Variants in RNASEH2B observed in about 807,000 individuals in gnomAD.
RNASEH2B encodes the protein Aicardi-Goutieres syndrome 2 protein.
Under a neutral mutation model 45.0 loss-of-function variants are expected in RNASEH2B, and 36 were observed. That is an observed-to-expected ratio of 0.80 (90% CI 0.61 to 1.06). The LOEUF (loss-of-function observed/expected upper bound fraction) is 1.06. RNASEH2B is among the 50% of genes least tolerant of loss of function. RNASEH2B has a pLI of 0.00. For missense variants in RNASEH2B, 361 were observed against 360.3 expected, an observed-to-expected ratio of 1.00 and a Z score of -0.02; for synonymous variants, 119 against 125.7, an observed-to-expected ratio of 0.95 and a Z score of 0.35.
At position 50,930,455 on chromosome 13, in the gene RNASEH2B, G is replaced by A. The variant is rs564625980; in HGVS notation, c.245-228G>A. On this transcript the variant is annotated intron_variant, in intron 3 of 10. Coordinates refer to ENST00000336617, the MANE Select transcript of RNASEH2B (RefSeq NM_024570.4). ...GTTAAAGATCAATTTCAGGGTCTTG[G>A]TTCTCCTCTCCACACAGGGATTTGA... Among the ~76,000 whole-genome samples, 3 of 152,234 alleles carry A rather than the reference G, an allele frequency of 2.0e-5. No individual in the cohort carries two copies. The South Asian group carries it at 6.2e-4, about 32-fold the overall frequency.
At position 50,952,100 on chromosome 13, in the gene RNASEH2B, A is replaced by G. The variant is rs1036127990; in HGVS notation, c.742-1805A>G. On this transcript the variant is annotated intron_variant, in intron 9 of 10. Coordinates refer to ENST00000336617, the MANE Select transcript of RNASEH2B (RefSeq NM_024570.4). Reference sequence around the variant, plus strand: ...CTTGAGCCCAGGAGTTCAAGGCTGTAGTATATGATGATCGCAACTATGAAT... The same window carrying G: ...CTTGAGCCCAGGAGTTCAAGGCTGTGGTATATGATGATCGCAACTATGAAT... 1.4e-4 allele frequency: 21 copies of G among 152,330 alleles called. 1 individual carries two copies. The highest frequency in any genetic ancestry group is 2.9e-4 in the Non-Finnish European group (20 of 68,022). 9.4% of individuals were successfully genotyped at this position (152,330 alleles called of 1,614,324 possible). A position where few individuals can be genotyped will look rare whatever the true frequency, so the allele number is the denominator to read the frequency against.
At chr13:50,968,874 C>A (rs765893878) in intron 9 of RNASEH2B, among the ~76,000 whole-genome samples, 1 of 152,062 alleles carries the variant, frequency 6.6e-6, no homozygotes, top group Non-Finnish European at 1.5e-5. Flanking sequence ...AAATGGGGGA[C>A]GGCACCAAAT....
intron 5 of RNASEH2B, among the ~76,000 whole-genome samples, chr13:50,940,480 T>G (rs1368898163): frequency 1.3e-5 from 2 of 152,252 alleles, no homozygotes; most frequent in East Asian, 3.8e-4. Flanking sequence ...ACAGTATTTA[T>G]TTTTACTTGC....
chr13:50,957,285 T>C (rs1364198902), downstream of RNASEH2B, among the ~76,000 whole-genome samples: 2 of 152,146 alleles, frequency 1.3e-5, no homozygotes, highest in Non-Finnish European at 2.9e-5. Context: ...TGTCTATTAT[T>C]GCCATCTTTA....
chr13:50,929,375 A>G (rs1238220418), intron 2 of RNASEH2B, 100 bp from the exon 3 acceptor site: 5 of 764,666 alleles, frequency 6.5e-6, no homozygotes, highest in Admixed American at 2.0e-5. Context: ...TGTTCATATT[A>G]GGAACATTCG....
chr13:50,957,781 T>G (rs956874635), downstream of RNASEH2B, among the ~76,000 whole-genome samples: 1 of 152,242 alleles, frequency 6.6e-6, no homozygotes. Context: ...ATTTTTTTAC[T>G]TTTAAATAAT....
chr13:50,926,973 C>A (rs1430428509), intron 1 of RNASEH2B, among the ~76,000 whole-genome samples: 1 of 152,076 alleles, frequency 6.6e-6, no homozygotes, highest in Non-Finnish European at 1.5e-5. Flanking sequence ...ATAATAATAG[C>A]TATCATTTAT....
At chr13:50,960,318 C>A (rs371773461), downstream of RNASEH2B, 22 of 347,022 alleles carry the variant, frequency 6.3e-5, no homozygotes, top group African/African-American at 3.4e-4. Flanking sequence ...GCAATTCTTT[C>A]TAATAGTTAC....
At chr13:50,968,244 T>A (rs1024837891) in intron 9 of RNASEH2B, among the ~76,000 whole-genome samples, 6 of 151,154 alleles carry the variant, frequency 4.0e-5, no homozygotes, top group Admixed American at 3.3e-4. Flanking sequence ...AAAAAAAAAA[T>A]AAAAAATTAG....
rs750984942 is a variant in RNASEH2B, at chr13:50,929,454, AAGAC to A, written c.137-17_137-14del. Reference sequence around the variant, plus strand: ...TGTGTGTGTGAAAACTTACAAATAAAAGACAGATTTGTCTTAACAGGAGAAGGAG... The same window carrying A: ...TGTGTGTGTGAAAACTTACAAATAAAAGATTTGTCTTAACAGGAGAAGGAG... On this transcript the variant is annotated splice_polypyrimidine_tract_variant and intron_variant, in intron 2 of 10. Transcript: ENST00000336617. 2.0e-6 allele frequency: 3 copies of A among 1,508,940 alleles called. No individual in the cohort carries two copies. Among genetic ancestry groups the A allele is most frequent in the Non-Finnish European group, 2.8e-6 (3 of 1,084,714 alleles). 93.5% of individuals were successfully genotyped at this position (1,508,940 alleles called of 1,614,324 possible).
rs770781962 is a variant in RNASEH2B at position 50,934,875 on chromosome 13, G to GT, written c.322-4dup. On this transcript the variant is annotated splice_polypyrimidine_tract_variant and intron_variant, in intron 4 of 10. Transcript: ENST00000336617. ...TGAAATGCTTGCTTTCCAACTAACTGTTTTTTCAGGGGAAGTTTCAGCCCC... is the reference window on the plus strand; with the variant it reads ...TGAAATGCTTGCTTTCCAACTAACTGTTTTTTTCAGGGGAAGTTTCAGCCCC... 27 of 1,579,436 alleles carry GT rather than the reference G, an allele frequency of 1.7e-5. No individual in the cohort carries two copies. The Admixed American group carries it at 3.5e-4, about 21-fold the overall frequency.
At chr13:50,937,806 G>A (rs1210104665) in intron 5 of RNASEH2B, 2 of 152,100 alleles carry the variant, frequency 1.3e-5, no homozygotes, top group Non-Finnish European at 2.9e-5. Context: ...ACTTCCAAGG[G>A]CATCTATGGC....
Position 50,956,396 on chromosome 13 carries a change from T to C in RNASEH2B, c.861T>C (p.Ala287=), listed in dbSNP as rs942189407. The part of the protein sequence containing the change: ...SKMTAAQKAL[A]KVDKSGMKSI... ...TGACTGCAGCTCAGAAGGCTTTGGC[T>C]AAAGTTGACAAGAGTGGAATGAAAA... The change falls in exon 11 of 11, where the codon GCT becomes GCC. Residue 287 remains alanine (A), a synonymous_variant. Coordinates refer to ENST00000336617, the MANE Select transcript of RNASEH2B (RefSeq NM_024570.4). The C allele has an allele frequency of 6.2e-7, 1 of 1,603,976 alleles. No individual in the cohort carries two copies. Among genetic ancestry groups the C allele is most frequent in the Non-Finnish European group, 8.5e-7 (1 of 1,173,596 alleles).
In RNASEH2B at chr13:50,934,906, C is replaced by G. The variant is rs1363440628; in HGVS notation, c.343C>G (p.Gln115Glu). The change falls in exon 5 of 11, where the codon CAA (glutamine) becomes GAA (glutamate). Residue 115 changes from glutamine to glutamate, a missense_variant. By Grantham distance (29) the Gln-to-Glu change is conservative (BLOSUM62 2). Coordinates refer to ENST00000336617, the MANE Select transcript of RNASEH2B (RefSeq NM_024570.4). ...DKEGKFQPLD[Q>E]VVVDNVFPNC... ...TCAGGGGAAGTTTCAGCCCCTTGATCAAGTTGTGGTGGATAACGTGTTTCC... is the reference window on the plus strand; with the variant it reads ...TCAGGGGAAGTTTCAGCCCCTTGATGAAGTTGTGGTGGATAACGTGTTTCC... 3.1e-6 allele frequency: 5 copies of G among 1,613,214 alleles called. No homozygotes were observed. The highest frequency in any genetic ancestry group is 1.7e-5 in the Admixed American group (1 of 59,964).
intron 4 of RNASEH2B, among the ~76,000 whole-genome samples, chr13:50,933,668 A>T (rs1409145292): frequency 1.5e-4 from 23 of 152,218 alleles, no homozygotes; most frequent in Non-Finnish European, 1.5e-5. Context: ...CAATGTATAT[A>T]TGGTAAATAA....
intron 1 of RNASEH2B, among the ~76,000 whole-genome samples, chr13:50,925,009 C>G (rs1476265041): frequency 6.6e-6 from 1 of 151,576 alleles, no homozygotes; most frequent in East Asian, 1.9e-4. Context: ...GTTCCCTCTT[C>G]TCCTTTTGGA....
In RNASEH2B at chr13:50,956,610, T is replaced by G. The variant is rs1487214951; in HGVS notation, c.*136T>G. The G allele has an allele frequency of 4.1e-6, 6 of 1,471,192 alleles. No individual in the cohort carries two copies. The highest frequency in any genetic ancestry group is 2.4e-5 in the Admixed American group (1 of 42,046). 91.1% of individuals were successfully genotyped at this position (1,471,192 alleles called of 1,614,324 possible). Reference sequence around the variant, plus strand: ...TGTTCTCTTAAACATTTCTTTGCATTTGGTTTTTGTGTTCCTGAACAAAAT... The same window carrying G: ...TGTTCTCTTAAACATTTCTTTGCATGTGGTTTTTGTGTTCCTGAACAAAAT... On this transcript the variant is annotated 3_prime_UTR_variant, in exon 11 of 11. Transcript: ENST00000336617.
intron 1 of RNASEH2B, chr13:50,915,542 A>G (rs1360063226): frequency 1.8e-5 from 7 of 398,446 alleles, no homozygotes; most frequent in Non-Finnish European, 3.1e-5. Context: ...CCATTTTTAT[A>G]TAAATATGTA....
intron 1 of RNASEH2B, among the ~76,000 whole-genome samples, chr13:50,919,804 A>C (rs1213405821): frequency 6.6e-6 from 1 of 152,244 alleles, no homozygotes; most frequent in Admixed American, 6.5e-5. Flanking sequence ...CATCCAAAAA[A>C]GTGGAAATTA....
Sources: gnomAD v4.1 joint callset for allele counts (sites outside exome capture counted in the v4.1 genomes callset) on GRCh38, gnomAD v4.1.1 for gene constraint, MANE v1.5 for transcripts, NCBI Gene and HGNC (gene_info 2026-07-23, HGNC 2026-07-21) for gene names.